Variants in CEP128 observed in about 807,000 individuals in gnomAD.
CEP128 encodes centrosomal protein 128kDa.
CEP128 carries 132 observed loss-of-function variants against 156.7 expected under a neutral mutation model. That is an observed-to-expected ratio of 0.84 (90% CI 0.73 to 0.97). The LOEUF is 0.97. Among genes scored for constraint, CEP128 ranks in the 50% least tolerant of loss-of-function variants. CEP128 has a pLI of 0.00. For missense variants in CEP128, 1,252 were observed against 1,281.9 expected, an observed-to-expected ratio of 0.98 and a Z score of 0.36; for synonymous variants, 469 against 448.9, an observed-to-expected ratio of 1.04 and a Z score of -0.57.
chr14:80,720,803 C>A (rs1206843239), intron 19 of CEP128, among the ~76,000 whole-genome samples: 1 of 152,266 alleles, frequency 6.6e-6, no homozygotes, highest in East Asian at 1.9e-4. Context: ...TGGAAAATAA[C>A]CTTGACTTGA....
intron 21 of CEP128, among the ~76,000 whole-genome samples, chr14:80,543,243 T>C (rs888063900): frequency 6.6e-6 from 1 of 152,256 alleles, no homozygotes; most frequent in African/African-American, 2.4e-5. Context: ...CTTCTGGCTC[T>C]TGTAGCAAAG....
At chr14:80,741,036 C>T (rs1898806911) in intron 19 of CEP128, among the ~76,000 whole-genome samples, 1 of 152,138 alleles carries the variant, frequency 6.6e-6, no homozygotes, top group Non-Finnish European at 1.5e-5. Flanking sequence ...ATGTCAATTT[C>T]TAATTATTCC....
intron 19 of CEP128, among the ~76,000 whole-genome samples, chr14:80,584,389 G>A (rs897501087): frequency 3.3e-5 from 5 of 151,798 alleles, no homozygotes; most frequent in Non-Finnish European, 7.4e-5. Context: ...CAAGTGATCC[G>A]CCCGCCTCGG....
At position 80,577,901 on chromosome 14, in the gene CEP128, G is replaced by A. The variant is rs61336262; in HGVS notation, c.2856+2473C>T. Among the ~76,000 whole-genome samples the A allele has an allele frequency of 4.7e-3, 719 of 152,178 alleles. 3 individuals carry two copies. Among genetic ancestry groups the A allele is most frequent in the African/African-American group, 0.017 (688 of 41,516 alleles). Reference sequence around the variant, plus strand: ...TTCAGTTCCTTAAACATGAAACTGTGCTCTTTTATCCTAGGCCTTCCCCTA... The same window carrying A: ...TTCAGTTCCTTAAACATGAAACTGTACTCTTTTATCCTAGGCCTTCCCCTA... On this transcript the variant is annotated intron_variant, in intron 20 of 24. Transcript: ENST00000555265.
intron 9 of CEP128, among the ~76,000 whole-genome samples, chr14:80,847,293 C>T (rs958461594): frequency 5.9e-5 from 9 of 152,112 alleles, no homozygotes; most frequent in Non-Finnish European, 1.2e-4. Flanking sequence ...AGTGTTCAAA[C>T]GCCTTTGAAA....
chr14:80,612,335 T>C (rs928999340), intron 19 of CEP128, among the ~76,000 whole-genome samples: 1 of 152,090 alleles, frequency 6.6e-6, no homozygotes, highest in Non-Finnish European at 1.5e-5. Context: ...AGATACACAA[T>C]GAAAGGATGA....
chr14:80,840,804 A>G lies in CEP128; in HGVS notation c.763-36T>C, dbSNP rs188649428. On this transcript the variant is annotated intron_variant, in intron 9 of 24. Transcript: ENST00000555265. ...AGAGGTGGAAAAAAATTATCCCAAAATATGTACAAAACTGAAAGTCACTAC... is the reference window on the plus strand; with the variant it reads ...AGAGGTGGAAAAAAATTATCCCAAAGTATGTACAAAACTGAAAGTCACTAC... 118 of 1,290,532 alleles carry G rather than the reference A, an allele frequency of 9.1e-5. No homozygotes were observed. In the Admixed American group the frequency reaches 2.0e-3, roughly 22 times the overall value. The allele number at this position is 1,290,532 out of a possible 1,614,324, so 79.9% of individuals were successfully genotyped here.
At chr14:80,511,479 T>C (rs913801602) in intron 23 of CEP128, among the ~76,000 whole-genome samples, 1 of 151,998 alleles carries the variant, frequency 6.6e-6, no homozygotes, top group Non-Finnish European at 1.5e-5. Context: ...TTTTATTTAT[T>C]TGGGTCTTTT....
In CEP128 at chr14:80,593,727, T is replaced by C. The variant is rs535796758; in HGVS notation, c.2807-13304A>G. Reference sequence around the variant, plus strand: ...TGAGAGAACTCTCATTCACAATTGCTACAAAGAGAATAAAATATCTAGGAA... The same window carrying C: ...TGAGAGAACTCTCATTCACAATTGCCACAAAGAGAATAAAATATCTAGGAA... On this transcript the variant is annotated intron_variant, in intron 19 of 24. Coordinates refer to ENST00000555265, the MANE Select transcript of CEP128 (RefSeq NM_152446.5). Among the ~76,000 whole-genome samples, 3 of 152,116 alleles carry C rather than the reference T, an allele frequency of 2.0e-5. No homozygotes were observed. In the East Asian group the frequency reaches 5.8e-4, roughly 30 times the overall value.
intron 19 of CEP128, among the ~76,000 whole-genome samples, chr14:80,674,804 C>A (rs1895995280): frequency 6.6e-6 from 1 of 152,074 alleles, no homozygotes; most frequent in South Asian, 2.1e-4. Context: ...AAAACAGTTA[C>A]AAATGGCTTA....
intron 13 of CEP128, among the ~76,000 whole-genome samples, chr14:80,827,468 C>T (rs1487505495): frequency 6.6e-6 from 1 of 152,140 alleles, no homozygotes; most frequent in African/African-American, 2.4e-5. Flanking sequence ...AGAGCAAAAT[C>T]CGTGCACAGC....
rs554440343 is a variant in CEP128 at position 80,810,593 on chromosome 14, GT to G, written c.1210-17484del. On this transcript the variant is annotated intron_variant, in intron 13 of 24. Transcript: ENST00000555265. ...TGTTCATCAGGAATGTTGGCCTGTA[GT>G]TTTCTTTTTAGGTTATGTCCATGTC... Among the ~76,000 whole-genome samples the G allele has an allele frequency of 2.0e-5, 3 of 152,068 alleles. No homozygotes were observed. In the South Asian group the frequency reaches 6.2e-4, roughly 32 times the overall value.
chr14:80,740,713 T>C (rs747474031), intron 19 of CEP128, among the ~76,000 whole-genome samples: 3 of 152,198 alleles, frequency 2.0e-5, no homozygotes, highest in Non-Finnish European at 4.4e-5. Flanking sequence ...TTACCTGTAG[T>C]ACTTTCCCTT....
intron 19 of CEP128, among the ~76,000 whole-genome samples, chr14:80,605,490 T>C (rs1376374077): frequency 1.3e-5 from 2 of 152,088 alleles, no homozygotes; most frequent in Non-Finnish European, 2.9e-5. Flanking sequence ...TAATTGCAAA[T>C]CTTCCCTTTT....
intron 19 of CEP128, among the ~76,000 whole-genome samples, chr14:80,706,828 T>C (rs1217508415): frequency 6.6e-6 from 1 of 152,114 alleles, no homozygotes; most frequent in Non-Finnish European, 1.5e-5. Flanking sequence ...TCTTTTTCAA[T>C]TTATTTTCTC....
chr14:80,873,305 T>G (rs1888118903), intron 8 of CEP128, among the ~76,000 whole-genome samples: 1 of 152,198 alleles, frequency 6.6e-6, no homozygotes, highest in African/African-American at 2.4e-5. Context: ...GAGTTTGAGC[T>G]CTCTCTGAAT....
intron 13 of CEP128, among the ~76,000 whole-genome samples, chr14:80,824,316 T>G (rs1885354855): frequency 6.6e-6 from 1 of 152,202 alleles, no homozygotes; most frequent in Admixed American, 6.5e-5. Flanking sequence ...CCCACTGTTT[T>G]GGGGTTTAAC....
chr14:80,882,081 C>T (rs10137041), intron 8 of CEP128, among the ~76,000 whole-genome samples: 84,943 of 151,934 alleles, frequency 0.56, 25,735 homozygotes, highest in African/African-American at 0.8. Flanking sequence ...AATGAACAAA[C>T]GGTATCACAT....
At position 80,504,894 on chromosome 14, in the gene CEP128, C is replaced by T; in HGVS notation, c.3181+18G>A. 1 of 1,347,696 alleles carries T rather than the reference C, an allele frequency of 7.4e-7. No individual in the cohort carries two copies. The highest frequency in any genetic ancestry group is 1.0e-6 in the Non-Finnish European group (1 of 969,254). 83.5% of individuals were successfully genotyped at this position (1,347,696 alleles called of 1,614,324 possible). A position where few individuals can be genotyped will look rare whatever the true frequency, so the allele number is the denominator to read the frequency against. Reference sequence around the variant, plus strand: ...CTTAAATCTAATTTAAAAATGGGTACAAGACTTCATTACTTACAGTTCACG... The same window carrying T: ...CTTAAATCTAATTTAAAAATGGGTATAAGACTTCATTACTTACAGTTCACG... On this transcript the variant is annotated intron_variant, in intron 24 of 24. Coordinates refer to ENST00000555265, the MANE Select transcript of CEP128 (RefSeq NM_152446.5).
Sources: allele counts gnomAD v4.1 joint callset (sites outside exome capture counted in the v4.1 genomes callset), GRCh38; gene constraint gnomAD v4.1.1; transcripts MANE v1.5; gene names NCBI Gene and HGNC (gene_info 2026-07-23, HGNC 2026-07-21).